The following WDR4 variants were observed in gnomAD, a reference collection of about 807,000 sequenced individuals.
The protein encoded by WDR4 is tRNA (guanine-N(7)-)-methyltransferase non-catalytic subunit WDR4.
In WDR4, 47 loss-of-function variants were observed where a neutral mutation model predicts 48.6. That is an observed-to-expected ratio of 0.97 (90% CI 0.77 to 1.23). The LOEUF (loss-of-function observed/expected upper bound fraction) is 1.23. Ranked by LOEUF, WDR4 falls within the 50% of genes most tolerant of loss-of-function variation. The pLI is 0.00. For missense variants in WDR4, 606 were observed against 551.6 expected, an observed-to-expected ratio of 1.10 and a Z score of -0.99; for synonymous variants, 268 against 230.0, an observed-to-expected ratio of 1.17 and a Z score of -1.49.
At chr21:42,861,170 C>T (rs1468702942) in intron 5 of WDR4, among the ~76,000 whole-genome samples, 2 of 151,846 alleles carry the variant, frequency 1.3e-5, no homozygotes, top group Non-Finnish European at 1.5e-5. Flanking sequence ...AAAAATTAGC[C>T]GGGCGTGGTG....
rs201896215 is a variant in WDR4, at chr21:42,852,265, G to A, written c.1035C>T (p.Ala345=). Residue 345 remains alanine, a synonymous_variant, in exon 10 of 11, where the codon GCC becomes GCT. Coordinates refer to ENST00000398208, the MANE Select transcript of WDR4 (RefSeq NM_018669.6). ...CACCCGTGCTCTCACCTTCCAGCAT[G>A]GCCCAGTTCCCACGAAGAACACCAG... is the stretch of plus-strand genomic sequence containing the variant. The part of the protein sequence containing the change: ...KVSGVLRGNW[A]MLEGSAGADA... 3.7e-6 allele frequency: 6 copies of A among 1,614,146 alleles called. No individual in the cohort carries two copies. In the East Asian group the frequency reaches 1.1e-4, roughly 30 times the overall value.
At chr21:42,861,747 A>G (rs558578466) in intron 5 of WDR4, among the ~76,000 whole-genome samples, 1 of 152,366 alleles carries the variant, frequency 6.6e-6, no homozygotes, top group South Asian at 2.1e-4. Flanking sequence ...TATATTTTAA[A>G]ACATTTCAGC....
At position 42,849,788 on chromosome 21, in the gene WDR4, G is replaced by A. The variant is rs1001065264; in HGVS notation, c.*261C>T. The A allele has an allele frequency of 1.9e-5, 8 of 421,410 alleles. No homozygotes were observed. The highest frequency in any genetic ancestry group is 4.6e-5 in the Admixed American group (1 of 21,784). 26.1% of individuals were successfully genotyped at this position (421,410 alleles called of 1,614,324 possible). On this transcript the variant is annotated 3_prime_UTR_variant, in exon 11 of 11. Coordinates refer to ENST00000398208, the MANE Select transcript of WDR4 (RefSeq NM_018669.6). ...CACCACCGGCTCACACGCAGCCTCC[G>A]ACATGAAAAGAAAGTGCTTCAAGAG...
At chr21:42,847,259 G>A (rs1247926171), downstream of WDR4, among the ~76,000 whole-genome samples, 3 of 152,230 alleles carry the variant, frequency 2.0e-5, no homozygotes, top group Non-Finnish European at 4.4e-5. Flanking sequence ...CGGGAAGGTG[G>A]TGGGTGCTGC....
intron 1 of WDR4, 53 bp downstream of exon 1, chr21:42,879,354 C>G: frequency 6.3e-7 from 1 of 1,594,558 alleles, no homozygotes; most frequent in Admixed American, 1.7e-5. Context: ...TCGCCAGGAC[C>G]CGACGCGCGC....
At chr21:42,874,025 CT>C (rs1444879463) in intron 2 of WDR4, among the ~76,000 whole-genome samples, 1 of 152,118 alleles carries the variant, frequency 6.6e-6, no homozygotes, top group Non-Finnish European at 1.5e-5. Flanking sequence ...ATTAACAATA[CT>C]AATAACAGGC....
chr21:42,883,735 C>T (rs554254503), upstream of WDR4: 2 of 153,636 alleles, frequency 1.3e-5, no homozygotes, highest in African/African-American at 2.4e-5. Context: ...CTCCCCTAGA[C>T]CTTTCAGAAG....
At chr21:42,886,751 T>C in the WDR4 span, 1 of 152,276 alleles carries the variant, frequency 6.6e-6, no homozygotes, top group South Asian at 2.1e-4. Flanking sequence ...GTGTGGTCTG[T>C]AAGTGTCTAT....
chr21:42,865,665 G>T (rs2058229953), intron 3 of WDR4, among the ~76,000 whole-genome samples: 1 of 152,070 alleles, frequency 6.6e-6, no homozygotes, highest in Non-Finnish European at 1.5e-5. Flanking sequence ...AATGGGGCAG[G>T]TCACTGGACC....
At chr21:42,876,807 T>A in intron 1 of WDR4, 40 bp from the exon 2 acceptor site, 1 of 1,578,878 alleles carries the variant, frequency 6.3e-7, no homozygotes, top group South Asian at 1.2e-5. Flanking sequence ...GAGTTATCAT[T>A]AGAGAGAAAT....
At chr21:42,853,930 A>G (rs2057913290) in intron 8 of WDR4, among the ~76,000 whole-genome samples, 178 bp from the exon 9 acceptor site, 2 of 152,142 alleles carry the variant, frequency 1.3e-5, no homozygotes, top group South Asian at 4.1e-4. Context: ...GGTGACGTAC[A>G]CTTTTTTAAG....
chr21:42,862,431 A>C lies in WDR4; in HGVS notation c.454-37T>G, dbSNP rs1172190013. On this transcript the variant is annotated intron_variant, in intron 4 of 10. Coordinates refer to ENST00000398208, the MANE Select transcript of WDR4 (RefSeq NM_018669.6). This position sits in a 1 kb window ranked among gnomAD's most constrained non-coding sequence, Gnocchi z 4.3. ...GGGGCCAGAAAAGAAAAAGCCGCTC[A>C]CCTGAGTCTTCCCGAATCAAGTCCC... The C allele has an allele frequency of 6.5e-6, 10 of 1,542,062 alleles. No individual in the cohort carries two copies. In the Admixed American group the frequency reaches 1.6e-4, roughly 24 times the overall value.
At chr21:42,855,656 G>A (rs1019681588) in intron 7 of WDR4, 26 bp downstream of exon 7, 17 of 1,520,142 alleles carry the variant, frequency 1.1e-5, no homozygotes, top group African/African-American at 2.8e-5. Flanking sequence ...GCACTCAGTC[G>A]CCCAGGAGTG....
downstream of WDR4, among the ~76,000 whole-genome samples, chr21:42,845,006 A>G (rs2057698639): frequency 6.6e-6 from 1 of 152,230 alleles, no homozygotes; most frequent in Non-Finnish European, 1.5e-5. Flanking sequence ...AGGAGGGTAC[A>G]GGGAGGGCCC....
intron 2 of WDR4, 88 bp downstream of exon 2, chr21:42,876,614 C>A: frequency 7.9e-7 from 1 of 1,264,380 alleles, no homozygotes; most frequent in Admixed American, 2.1e-5. Flanking sequence ...AAGAATTCAG[C>A]AAGTAGGACA....
In WDR4 at chr21:42,869,361, A is replaced by G. The variant is rs116780489; in HGVS notation, c.296+4190T>C. On this transcript the variant is annotated intron_variant, in intron 3 of 10. Coordinates refer to ENST00000398208, the MANE Select transcript of WDR4 (RefSeq NM_018669.6). ...GAACCCACACACTCCACTGTTGTCT[A>G]AGTAACTGGATCACGTCTGAGATCC... Among the ~76,000 whole-genome samples the G allele has an allele frequency of 3.8e-3, 580 of 152,338 alleles. 4 individuals are homozygous for G. Among genetic ancestry groups the G allele is most frequent in the African/African-American group, 0.013 (534 of 41,580 alleles).
At chr21:42,852,028 C>T (rs930052980) in intron 10 of WDR4, among the ~76,000 whole-genome samples, 1 of 152,200 alleles carries the variant, frequency 6.6e-6, no homozygotes, top group Admixed American at 6.5e-5. Flanking sequence ...CCTGAGCCCC[C>T]GGTTCCTAAG....
the WDR4 span, among the ~76,000 whole-genome samples, chr21:42,892,410 G>C: frequency 6.6e-6 from 1 of 152,126 alleles, no homozygotes; most frequent in Non-Finnish European, 1.5e-5. Flanking sequence ...GCATTTACTT[G>C]ATAGCAGACT....
At chr21:42,859,454 C>A (rs1007794060) in intron 6 of WDR4, among the ~76,000 whole-genome samples, 2 of 152,072 alleles carry the variant, frequency 1.3e-5, no homozygotes, top group Non-Finnish European at 2.9e-5. Context: ...CACAGGCGAA[C>A]ACACACGCAC....
Sources: allele counts gnomAD v4.1 joint callset (sites outside exome capture counted in the v4.1 genomes callset), GRCh38; gene constraint gnomAD v4.1.1; non-coding constraint Gnocchi (gnomAD v3.1); transcripts MANE v1.5; gene names NCBI Gene and HGNC (gene_info 2026-07-23, HGNC 2026-07-21).